TAF8: variants seen among roughly 807,000 people sequenced by gnomAD.
TAF8 encodes TATA-box binding protein associated factor 8.
Under a neutral mutation model 36.5 loss-of-function variants are expected in TAF8, and 47 were observed. The observed-to-expected ratio is 1.29, with a 90% CI of 1.02 to 1.64. The LOEUF (loss-of-function observed/expected upper bound fraction) is 1.64. TAF8 is among the 40% of genes most tolerant of loss of function. The probability of loss-of-function intolerance (pLI) is 0.00; values close to 1 mark genes in which losing one functional copy is unlikely to be tolerated. For missense variants in TAF8, 420 were observed against 407.6 expected (o/e 1.03, Z -0.26); for synonymous variants, 175 against 159.5 (o/e 1.10, Z -0.73).
intron 7 of TAF8, among the ~76,000 whole-genome samples, chr6:42,075,608 G>A (rs1241801757): frequency 6.6e-6 from 1 of 152,138 alleles, no homozygotes; most frequent in Non-Finnish European, 1.5e-5. Context: ...CCTGCTTGAG[G>A]TCAGTGAGGG....
Position 42,069,904 on chromosome 6 carries a change from T to C in TAF8, c.780+1297T>C, listed in dbSNP as rs185842351. 2.0e-5 allele frequency among the ~76,000 whole-genome samples: 3 copies of C among 152,238 alleles called. No homozygotes were observed. The East Asian group carries it at 5.8e-4, about 29-fold the overall frequency. ...AGGTGGGAGAACTGGAAGAGGGCTG[T>C]GTCCTGGAGGCCAAGGGAAGTAAGT... On this transcript the variant is annotated intron_variant, in intron 7 of 8. Coordinates refer to ENST00000372977, the MANE Select transcript of TAF8 (RefSeq NM_138572.3).
downstream of TAF8, among the ~76,000 whole-genome samples, chr6:42,084,906 G>A (rs751567119): frequency 1.3e-5 from 2 of 152,204 alleles, no homozygotes; most frequent in South Asian, 4.1e-4. Context: ...GCTACCCATC[G>A]CATCTGGAGA....
chr6:42,072,729 GT>G (rs200182439), intron 7 of TAF8, among the ~76,000 whole-genome samples: 23 of 143,438 alleles, frequency 1.6e-4, no homozygotes, highest in East Asian at 2.0e-4. Context: ...TTTTTTGTTT[GT>G]TTTTTTTTTT....
intron 7 of TAF8, among the ~76,000 whole-genome samples, chr6:42,072,998 C>T (rs1257302728): frequency 6.6e-6 from 1 of 152,244 alleles, no homozygotes; most frequent in African/African-American, 2.4e-5. Flanking sequence ...GCTGGGATTA[C>T]AGGCGTGAGC....
chr6:42,053,959 G>C (rs1764890315), intron 2 of TAF8, among the ~76,000 whole-genome samples: 1 of 152,228 alleles, frequency 6.6e-6, no homozygotes, highest in African/African-American at 2.4e-5. Context: ...GTAGGTGGTA[G>C]GTCTCTTGTT....
chr6:42,053,124 G>T (rs560538405), intron 2 of TAF8, among the ~76,000 whole-genome samples: 1 of 152,104 alleles, frequency 6.6e-6, no homozygotes, highest in Admixed American at 6.5e-5. Context: ...GCCCAGGCTG[G>T]CCTCAAACTT....
chr6:42,051,178 T>A, intron 1 of TAF8, 179 bp from the exon 2 acceptor site: 1 of 1,308,564 alleles, frequency 7.6e-7, no homozygotes, highest in Non-Finnish European at 9.9e-7. Context: ...TCTCTGTATT[T>A]AAAGCACCTT....
intron 1 of TAF8, chr6:42,051,089 TA>T: frequency 2.6e-6 from 3 of 1,137,416 alleles, no homozygotes; most frequent in Non-Finnish European, 3.2e-6. Context: ...TGTATTCTAA[TA>T]ATCTGCTAAA....
Position 42,050,579 on chromosome 6 carries a change from C to T in TAF8, c.38C>T (p.Ser13Phe), listed in dbSNP as rs868161378. ...GCGGCCACAGCTGGGGCCGGTGGCTCCGGAACGGTAAGGGCAGGAAGCGCG... is the reference window on the plus strand; with the variant it reads ...GCGGCCACAGCTGGGGCCGGTGGCTTCGGAACGGTAAGGGCAGGAAGCGCG... ...DAAATAGAGG[S>F]GTRSGSKQST... Residue 13 changes from serine (S) to phenylalanine (F), a missense_variant, in exon 1 of 9, where the codon TCC becomes TTC. Transcript: ENST00000372977. 1.2e-5 allele frequency: 19 copies of T among 1,556,520 alleles called. No homozygotes were observed. The highest frequency in any genetic ancestry group is 1.7e-5 in the Non-Finnish European group (19 of 1,150,682).
intron 7 of TAF8, among the ~76,000 whole-genome samples, chr6:42,076,178 G>A (rs1252484294): frequency 6.6e-6 from 1 of 151,640 alleles, no homozygotes; most frequent in East Asian, 1.9e-4. Context: ...CTGCACTCCA[G>A]CCTGGGTAAC....
At chr6:42,052,637 A>G (rs1192546761) in intron 2 of TAF8, among the ~76,000 whole-genome samples, 1 of 152,100 alleles carries the variant, frequency 6.6e-6, no homozygotes, top group African/African-American at 2.4e-5. Flanking sequence ...GCTACTTTTA[A>G]AAGGAAATGT....
chr6:42,077,586 A>T lies in TAF8; in HGVS notation c.*41A>T. 6.2e-7 allele frequency: 1 copy of T among 1,608,278 alleles called. No homozygotes were observed. ...TGGCTTGTACAGGGGCGCAGATTCCACCCTCCCGGGGAGTTAAAGCCACTC... is the reference window on the plus strand; with the variant it reads ...TGGCTTGTACAGGGGCGCAGATTCCTCCCTCCCGGGGAGTTAAAGCCACTC... On this transcript the variant is annotated 3_prime_UTR_variant, in exon 9 of 9. Transcript: ENST00000372977.
Position 42,080,895 on chromosome 6 carries a change from T to A in TAF8, c.*3350T>A, listed in dbSNP as rs926092243. 1.0e-6 allele frequency: 1 copy of A among 982,072 alleles called. No homozygotes were observed. The highest frequency in any genetic ancestry group is 1.7e-5 in the African/African-American group (1 of 57,262). 60.8% of individuals were successfully genotyped at this position (982,072 alleles called of 1,614,324 possible). ...CAATAAAAATTCATAATAAAAACTTTGTAAATAAATAGAACTGTAAGCTTT... is the reference window on the plus strand; with the variant it reads ...CAATAAAAATTCATAATAAAAACTTAGTAAATAAATAGAACTGTAAGCTTT... On this transcript the variant is annotated 3_prime_UTR_variant, in exon 9 of 9. Transcript: ENST00000372977.
chr6:42,080,626 T>C lies in TAF8; in HGVS notation c.*3081T>C. ...CCTGACCTCAGATGATCCACCCACC[T>C]CGGCCTCCCAGTGTGGGTGGGATTA... On this transcript the variant is annotated 3_prime_UTR_variant, in exon 9 of 9. Coordinates refer to ENST00000372977, the MANE Select transcript of TAF8 (RefSeq NM_138572.3). 1.1e-6 allele frequency: 1 copy of C among 893,062 alleles called. No homozygotes were observed. Among genetic ancestry groups the C allele is most frequent in the Non-Finnish European group, 1.3e-6 (1 of 745,922 alleles). The allele number at this position is 893,062 out of a possible 1,614,324, so 55.3% of individuals were successfully genotyped here.
intron 1 of TAF8, chr6:42,050,820 C>T: frequency 1.0e-6 from 1 of 953,008 alleles, no homozygotes; most frequent in Non-Finnish European, 1.4e-6. Context: ...GAGCCCGGAA[C>T]ACCCCCGATT....
chr6:42,058,945 G>A (rs1360249747), intron 5 of TAF8, among the ~76,000 whole-genome samples: 1 of 152,088 alleles, frequency 6.6e-6, no homozygotes, highest in Non-Finnish European at 1.5e-5. Context: ...TTTGTGTGTG[G>A]TTGGGGGGCA....
In TAF8 at chr6:42,050,563, G is replaced by A. The variant is rs779286517; in HGVS notation, c.22G>A (p.Ala8Thr). 1.3e-6 allele frequency: 2 copies of A among 1,536,986 alleles called. No homozygotes were observed. Among genetic ancestry groups the A allele is most frequent in the Non-Finnish European group, 8.8e-7 (1 of 1,138,632 alleles). Residue 8 changes from alanine (A) to threonine (T), a missense_variant, in exon 1 of 9, where the codon GCT becomes ACT. Physicochemically the swap from Ala to Thr is moderately conservative, Grantham distance 58. Coordinates refer to ENST00000372977, the MANE Select transcript of TAF8 (RefSeq NM_138572.3). MADAAAT[A>T]GAGGSGTRSG... ...CAAGATGGCCGACGCGGCGGCCACA[G>A]CTGGGGCCGGTGGCTCCGGAACGGT...
At chr6:42,063,763 A>G (rs1483838779) in intron 5 of TAF8, 1 of 151,646 alleles carries the variant, frequency 6.6e-6, no homozygotes, top group Non-Finnish European at 1.5e-5. Context: ...CACTGTGCTC[A>G]GTCTTTTTTT....
rs1446704288 is a variant in TAF8, at chr6:42,083,070, TAAC to T, written c.*5528_*5530del. The T allele has an allele frequency of 6.6e-6, 1 of 152,258 alleles. No homozygotes were observed. The highest frequency in any genetic ancestry group is 1.5e-5 in the Non-Finnish European group (1 of 68,046). The allele number at this position is 152,258 out of a possible 1,614,324, so 9.4% of individuals were successfully genotyped here. ...AAAAGACAGAAAAAGATATAAGTGA[TAAC>T]AAAATATCTTCCTCCTCCCCTGTTT... On this transcript the variant is annotated 3_prime_UTR_variant, in exon 9 of 9. Transcript: ENST00000372977.
Sources: gnomAD v4.1 joint callset for allele counts (sites outside exome capture counted in the v4.1 genomes callset) on GRCh38, gnomAD v4.1.1 for gene constraint, MANE v1.5 for transcripts, NCBI Gene and HGNC (gene_info 2026-07-23, HGNC 2026-07-21) for gene names.